The following CDH20 variants were observed in gnomAD, a reference collection of about 807,000 sequenced individuals.
CDH20 encodes cadherin 20.
In CDH20, 29 loss-of-function variants were observed where a neutral mutation model predicts 74.2. That is an observed-to-expected ratio of 0.39 (90% CI 0.29 to 0.53). The LOEUF is 0.53. Ranked by LOEUF, CDH20 falls within the 20% of genes least tolerant of loss-of-function variation. The pLI is 0.69. For synonymous variants in CDH20, 469 were observed against 405.4 expected, an observed-to-expected ratio of 1.16 and a Z score of -1.88; for missense variants, 988 against 1,048.3, an observed-to-expected ratio of 0.94 and a Z score of 0.79.
intron 1 of CDH20, among the ~76,000 whole-genome samples, chr18:61,371,316 A>G (rs1241279824): frequency 1.3e-5 from 2 of 152,032 alleles, no homozygotes; most frequent in South Asian, 4.1e-4. Flanking sequence ...TTTCCTACTG[A>G]ACAAAAAATT....
chr18:61,454,692 T>C (rs991879626), intron 1 of CDH20, among the ~76,000 whole-genome samples: 1 of 152,194 alleles, frequency 6.6e-6, no homozygotes, highest in Non-Finnish European at 1.5e-5. Flanking sequence ...TGCTATATGT[T>C]TGTTTCACTC....
At chr18:61,435,051 GAC>G (rs1481747501) in intron 1 of CDH20, among the ~76,000 whole-genome samples, 1 of 152,082 alleles carries the variant, frequency 6.6e-6, no homozygotes, top group Non-Finnish European at 1.5e-5. Context: ...CCATATTACA[GAC>G]AACTTTATGC....
chr18:61,440,768 G>A lies in CDH20; in HGVS notation c.-152-49634G>A, dbSNP rs955791777. On this transcript the variant is annotated intron_variant, in intron 1 of 11. Coordinates refer to ENST00000262717, the MANE Select transcript of CDH20 (RefSeq NM_031891.4). ...AACAGGCCAGGCTTGTTCTCATGGTGTGAGTCTGAGATGGGGAAGAGGGAA... is the reference window on the plus strand; with the variant it reads ...AACAGGCCAGGCTTGTTCTCATGGTATGAGTCTGAGATGGGGAAGAGGGAA... Among the ~76,000 whole-genome samples the A allele has an allele frequency of 2.0e-5, 3 of 152,160 alleles. No homozygotes were observed. The East Asian group carries it at 5.8e-4, about 29-fold the overall frequency.
intron 1 of CDH20, among the ~76,000 whole-genome samples, chr18:61,418,452 G>A (rs1417409344): frequency 6.6e-6 from 1 of 151,616 alleles, no homozygotes; most frequent in African/African-American, 2.4e-5. Flanking sequence ...TACTTGGGAG[G>A]CTGAGGCAGG....
At chr18:61,381,633 G>A (rs1911435658) in intron 1 of CDH20, among the ~76,000 whole-genome samples, 2 of 152,306 alleles carry the variant, frequency 1.3e-5, no homozygotes, top group South Asian at 4.1e-4. Context: ...AGAGACAAAA[G>A]GGAGATGGAT....
At chr18:61,400,067 G>A (rs950778421) in intron 1 of CDH20, among the ~76,000 whole-genome samples, 1 of 152,148 alleles carries the variant, frequency 6.6e-6, no homozygotes, top group African/African-American at 2.4e-5. Flanking sequence ...AAAAGTCTTT[G>A]TTGGTCTTAA....
At chr18:61,340,172 G>A (rs1339308638) in intron 1 of CDH20, among the ~76,000 whole-genome samples, 1 of 143,968 alleles carries the variant, frequency 6.9e-6, no homozygotes, top group Non-Finnish European at 1.5e-5. Flanking sequence ...CACCCAAAAT[G>A]AAAAACAGAT....
intron 8 of CDH20, among the ~76,000 whole-genome samples, chr18:61,538,628 T>TG (rs1170476701): frequency 1.8e-5 from 2 of 110,656 alleles, no homozygotes; most frequent in Non-Finnish European, 4.0e-5. Context: ...TTGTTTTGTT[T>TG]TTTTTTTTGA....
chr18:61,469,163 T>A (rs1489094159), intron 1 of CDH20, among the ~76,000 whole-genome samples: 1 of 152,200 alleles, frequency 6.6e-6, no homozygotes, highest in East Asian at 1.9e-4. Flanking sequence ...ATGCTATGTT[T>A]GTTTCATGTC....
At chr18:61,412,176 A>G (rs905217226) in intron 1 of CDH20, among the ~76,000 whole-genome samples, 2 of 152,120 alleles carry the variant, frequency 1.3e-5, no homozygotes, top group Non-Finnish European at 2.9e-5. Context: ...AAAAGATATA[A>G]TTTAATAGAA....
intron 6 of CDH20, among the ~76,000 whole-genome samples, chr18:61,517,625 C>G (rs1222488002): frequency 6.6e-6 from 1 of 152,178 alleles, no homozygotes; most frequent in Admixed American, 6.5e-5. Flanking sequence ...GCCTACGCCT[C>G]CAGGGACCTG....
chr18:61,354,893 G>T (rs1221809507), intron 1 of CDH20, among the ~76,000 whole-genome samples: 3 of 152,106 alleles, frequency 2.0e-5, no homozygotes, highest in African/African-American at 7.2e-5. Flanking sequence ...TAAACATGTT[G>T]TCCATAAATA....
At chr18:61,362,357 T>C (rs1159362288) in intron 1 of CDH20, among the ~76,000 whole-genome samples, 1 of 152,150 alleles carries the variant, frequency 6.6e-6, no homozygotes, top group African/African-American at 2.4e-5. Context: ...GCAGAGTCAA[T>C]GCTGTACAGA....
intron 1 of CDH20, among the ~76,000 whole-genome samples, chr18:61,423,775 T>C (rs141400336): frequency 1.4e-4 from 21 of 152,314 alleles, no homozygotes; most frequent in African/African-American, 3.8e-4. Flanking sequence ...TTTTATTCAA[T>C]ATAAGCTGTC....
At chr18:61,411,646 C>T (rs1912512661) in intron 1 of CDH20, among the ~76,000 whole-genome samples, 1 of 151,356 alleles carries the variant, frequency 6.6e-6, no homozygotes. Flanking sequence ...CACACACACA[C>T]ACACACACAC....
intron 1 of CDH20, among the ~76,000 whole-genome samples, chr18:61,414,147 C>T (rs1912607502): frequency 6.6e-6 from 1 of 151,992 alleles, no homozygotes; most frequent in Admixed American, 6.6e-5. Flanking sequence ...AAATAATTAC[C>T]AAATGTCGAT....
intron 8 of CDH20, among the ~76,000 whole-genome samples, chr18:61,538,028 G>A (rs1912871762): frequency 1.3e-5 from 2 of 152,166 alleles, no homozygotes. Context: ...GCATGGCAGT[G>A]CCAAGCAAAA....
intron 1 of CDH20, among the ~76,000 whole-genome samples, chr18:61,489,443 T>C (rs1910879493): frequency 6.6e-6 from 1 of 151,956 alleles, no homozygotes; most frequent in South Asian, 2.1e-4. Context: ...TTGGTTGTCT[T>C]GACAGGTTGA....
intron 1 of CDH20, among the ~76,000 whole-genome samples, chr18:61,365,517 AG>A (rs1279923667): frequency 6.6e-6 from 1 of 152,344 alleles, no homozygotes; most frequent in South Asian, 2.1e-4. Context: ...GGAATAAAAA[AG>A]GTCCACTGAG....
Sources: gnomAD v4.1 joint callset for allele counts (sites outside exome capture counted in the v4.1 genomes callset) on GRCh38, gnomAD v4.1.1 for gene constraint, MANE v1.5 for transcripts, NCBI Gene and HGNC (gene_info 2026-07-23, HGNC 2026-07-21) for gene names.